PRKD1: variants seen among roughly 807,000 people sequenced by gnomAD.
The protein encoded by PRKD1 is protein kinase D1, also known as serine/threonine-protein kinase D1.
A neutral mutation model predicts 95.9 loss-of-function variants in PRKD1; 63 were observed. The observed-to-expected ratio is 0.66, with a 90% CI of 0.54 to 0.81. The LOEUF (loss-of-function observed/expected upper bound fraction) is 0.81. Among genes scored for constraint, PRKD1 ranks in the 30% least tolerant of loss-of-function variants. PRKD1 has a pLI of 0.00. For synonymous variants in PRKD1, 425 were observed against 423.1 expected (o/e 1.00, Z -0.05); for missense variants, 1,048 against 1,165.3 (o/e 0.90, Z 1.47).
intron 1 of PRKD1, among the ~76,000 whole-genome samples, chr14:29,800,701 T>C (rs1313201542): frequency 1.3e-5 from 2 of 152,176 alleles, no homozygotes; most frequent in African/African-American, 4.8e-5. Context: ...GTGTTTTCTG[T>C]TATTTGAATT....
chr14:29,850,692 A>G (rs1566636027), intron 1 of PRKD1, among the ~76,000 whole-genome samples: 1 of 152,104 alleles, frequency 6.6e-6, no homozygotes, highest in Non-Finnish European at 1.5e-5. Flanking sequence ...CTATCAAAAT[A>G]GCAATCTCAT....
At chr14:29,711,375 A>G (rs183382476) in intron 2 of PRKD1, among the ~76,000 whole-genome samples, 257 of 152,256 alleles carry the variant, frequency 1.7e-3, no homozygotes, top group Admixed American at 4.3e-3. Flanking sequence ...TAGTTAAGAC[A>G]GCAATTGACA....
intron 1 of PRKD1, among the ~76,000 whole-genome samples, chr14:29,875,260 C>T (rs1385666033): frequency 6.6e-6 from 1 of 151,926 alleles, no homozygotes; most frequent in Non-Finnish European, 1.5e-5. Context: ...GGGAAGTACA[C>T]AAAAGCCCAG....
chr14:29,885,096 CT>C (rs1187538806), intron 1 of PRKD1, among the ~76,000 whole-genome samples: 1 of 148,388 alleles, frequency 6.7e-6, no homozygotes, highest in Non-Finnish European at 1.5e-5. Context: ...GCACTCCCCC[CT>C]GGGCAACAGA....
chr14:29,697,705 T>A (rs1884605140), intron 2 of PRKD1, among the ~76,000 whole-genome samples: 1 of 151,360 alleles, frequency 6.6e-6, no homozygotes, highest in South Asian at 2.1e-4. Flanking sequence ...TCCTTTTCAT[T>A]TTTTTTTTGA....
intron 1 of PRKD1, among the ~76,000 whole-genome samples, chr14:29,867,783 C>A (rs1594589038): frequency 6.6e-6 from 1 of 152,068 alleles, no homozygotes; most frequent in Non-Finnish European, 1.5e-5. Context: ...TAGGAAATGT[C>A]CCAAAAGTAG....
Position 29,676,183 on chromosome 14 carries a change from G to GTT in PRKD1, c.404-9977_404-9976dup, listed in dbSNP as rs34953735. 8.7e-4 allele frequency among the ~76,000 whole-genome samples: 59 copies of GTT among 67,446 alleles called. 2 individuals carry two copies. The highest frequency in any genetic ancestry group is 1.3e-3 in the Non-Finnish European group (46 of 35,994). The allele number at this position is 67,446 out of a possible 152,430, so 44.2% of individuals were successfully genotyped here. A position where few individuals can be genotyped will look rare whatever the true frequency, so the allele number is the denominator to read the frequency against. On this transcript the variant is annotated intron_variant, in intron 2 of 17. Coordinates refer to ENST00000331968, the MANE Select transcript of PRKD1 (RefSeq NM_002742.3). ...GGCATGCATAGTTCATTACGTTTTT[G>GTT]TTTTTTTTTTTTTTTTTTTTGCTGA...
intron 2 of PRKD1, among the ~76,000 whole-genome samples, chr14:29,702,387 C>T (rs1884885472): frequency 6.6e-6 from 1 of 151,886 alleles, no homozygotes; most frequent in Non-Finnish European, 1.5e-5. Flanking sequence ...GATATTAGAC[C>T]ATTCTACTTT....
chr14:29,695,268 A>G (rs1450843838), intron 2 of PRKD1, among the ~76,000 whole-genome samples: 2 of 151,446 alleles, frequency 1.3e-5, no homozygotes, highest in Non-Finnish European at 2.9e-5. Context: ...ACCAATTGAT[A>G]TATCTGTGAA....
At chr14:29,588,161 A>G (rs1300589402) in intron 16 of PRKD1, among the ~76,000 whole-genome samples, 1 of 152,102 alleles carries the variant, frequency 6.6e-6, no homozygotes, top group African/African-American at 2.4e-5. Flanking sequence ...GTACCATTGG[A>G]TTTCTGGGTC....
At chr14:29,747,648 T>C (rs768934887) in intron 1 of PRKD1, among the ~76,000 whole-genome samples, 11 of 152,198 alleles carry the variant, frequency 7.2e-5, no homozygotes, top group Non-Finnish European at 1.6e-4. Context: ...ATCTACACAC[T>C]ACAATGTGGA....
intron 4 of PRKD1, among the ~76,000 whole-genome samples, chr14:29,639,492 G>A (rs1389380383): frequency 2.0e-5 from 3 of 151,956 alleles, no homozygotes; most frequent in East Asian, 1.9e-4. Context: ...GGTGGTGCTC[G>A]CCTGTAATCC....
At chr14:29,630,720 G>A in intron 10 of PRKD1, 22 bp downstream of exon 10, 1 of 1,613,844 alleles carries the variant, frequency 6.2e-7, no homozygotes, top group Non-Finnish European at 8.5e-7. Context: ...CTTTGGGCTG[G>A]TTAGAAAACT....
chr14:29,841,195 C>T (rs895903438), intron 1 of PRKD1, among the ~76,000 whole-genome samples: 1 of 152,210 alleles, frequency 6.6e-6, no homozygotes, highest in African/African-American at 2.4e-5. Flanking sequence ...GCAGAAGAGA[C>T]TTGCCTTGTT....
At chr14:29,638,393 G>C in intron 6 of PRKD1, 96 bp downstream of exon 6, 1 of 1,339,150 alleles carries the variant, frequency 7.5e-7, no homozygotes, top group Non-Finnish European at 1.1e-6. Flanking sequence ...TGAAATATCT[G>C]AACCAAAACC....
At chr14:29,706,475 A>G (rs1885096304) in intron 2 of PRKD1, among the ~76,000 whole-genome samples, 1 of 152,136 alleles carries the variant, frequency 6.6e-6, no homozygotes, top group African/African-American at 2.4e-5. Flanking sequence ...AATAATGATA[A>G]TGTTCTAAAC....
intron 13 of PRKD1, among the ~76,000 whole-genome samples, chr14:29,607,835 T>C (rs1485760081): frequency 4.6e-5 from 7 of 152,180 alleles, no homozygotes; most frequent in Non-Finnish European, 1.0e-4. Context: ...TATTTACTGG[T>C]GTCAGAGATT....
intron 4 of PRKD1, chr14:29,657,992 T>G (rs1379006167): frequency 6.6e-6 from 1 of 152,034 alleles, no homozygotes; most frequent in East Asian, 1.9e-4. Context: ...CAAACATGAG[T>G]TTCAGGGAAA....
intron 1 of PRKD1, among the ~76,000 whole-genome samples, chr14:29,858,675 C>T (rs1047294063): frequency 5.3e-5 from 8 of 151,972 alleles, no homozygotes; most frequent in African/African-American, 1.7e-4. Context: ...CCACCTGCAC[C>T]AAAAATAGAA....
Sources: allele counts gnomAD v4.1 joint callset (sites outside exome capture counted in the v4.1 genomes callset), GRCh38; gene constraint gnomAD v4.1.1; transcripts MANE v1.5; gene names NCBI Gene and HGNC (gene_info 2026-07-23, HGNC 2026-07-21).